Variants in MICB observed in about 807,000 individuals in gnomAD.
The protein encoded by MICB is MHC class I polypeptide-related sequence B, also known as MHC class I antigen-related protein B.
In MICB, 27 loss-of-function variants were observed where a neutral mutation model predicts 34.3. The observed-to-expected ratio is 0.79, with a 90% confidence interval of 0.58 to 1.08. MICB has a LOEUF of 1.08. Among genes scored for constraint, MICB ranks in the 50% least tolerant of loss-of-function variants. The pLI is 0.00. For missense variants in MICB, 426 were observed against 483.1 expected (o/e 0.88, Z 1.11); for synonymous variants, 153 against 187.4 (o/e 0.82, Z 1.50).
At chr6:31,502,327 ACT>A (rs1765060931) in intron 1 of MICB, among the ~76,000 whole-genome samples, 1 of 151,880 alleles carries the variant, frequency 6.6e-6, no homozygotes, top group Admixed American at 6.6e-5. Context: ...CAGGAGCAAA[ACT>A]CCATCTCAGA....
chr6:31,499,398 C>T (rs1249861856), intron 1 of MICB, among the ~76,000 whole-genome samples: 5 of 152,164 alleles, frequency 3.3e-5, no homozygotes, highest in African/African-American at 1.2e-4. Context: ...TCTAGGGTGT[C>T]CTCTGCCTTC....
At chr6:31,501,691 C>T (rs114684640) in intron 1 of MICB, among the ~76,000 whole-genome samples, 4,785 of 152,240 alleles carry the variant, frequency 0.031, 115 homozygotes, top group Non-Finnish European at 0.048. Flanking sequence ...AAGAGACTCT[C>T]CTTTGCCCTG....
chr6:31,501,789 G>A (rs1765031435), intron 1 of MICB, among the ~76,000 whole-genome samples: 1 of 152,020 alleles, frequency 6.6e-6, no homozygotes. Flanking sequence ...TCATTGGTCC[G>A]TGTGTCTGTT....
At chr6:31,497,944 G>T (rs1354350900), upstream of MICB, 2 of 307,264 alleles carry the variant, frequency 6.5e-6, no homozygotes, top group African/African-American at 2.3e-5. Context: ...GCTCGCGCAC[G>T]CTCCCCCTTT....
At chr6:31,506,536 T>C (rs1431564575) in intron 3 of MICB, 106 bp downstream of exon 3, 127 of 1,266,622 alleles carry the variant, frequency 1.0e-4, no homozygotes, top group Non-Finnish European at 1.3e-4. Context: ...GATGCAGGCG[T>C]TTCCTGTTGG....
chr6:31,505,607 T>G lies in MICB; in HGVS notation c.71-10T>G, dbSNP rs1164791452. ...GGAAGAAGTTTCACCTGTGATTTCC[T>G]CTTCCCCAGAGCCCCACAGTCTTCG... On this transcript the variant is annotated splice_polypyrimidine_tract_variant and intron_variant, in intron 1 of 5. Coordinates refer to ENST00000252229, the MANE Select transcript of MICB (RefSeq NM_005931.5). 6.2e-7 allele frequency: 1 copy of G among 1,610,224 alleles called. No homozygotes were observed. Among genetic ancestry groups the G allele is most frequent in the Admixed American group, 1.7e-5 (1 of 59,966 alleles).
rs528785952 is a variant in MICB, at chr6:31,510,011, T to C, written c.*102T>C. ...GAAACAGAGAAAATAACATCACTTA[T>C]TTATTGTTGTTGGATGCTGCAAAGT... On this transcript the variant is annotated 3_prime_UTR_variant, in exon 6 of 6. Coordinates refer to ENST00000252229, the MANE Select transcript of MICB (RefSeq NM_005931.5). 1 of 1,346,770 alleles carries C rather than the reference T, an allele frequency of 7.4e-7. No homozygotes were observed. The highest frequency in any genetic ancestry group is 2.4e-5 in the East Asian group (1 of 41,294). The allele number at this position is 1,346,770 out of a possible 1,614,324, so 83.4% of individuals were successfully genotyped here.
chr6:31,508,092 C>T (rs1765455648), intron 5 of MICB, among the ~76,000 whole-genome samples: 1 of 152,124 alleles, frequency 6.6e-6, no homozygotes, highest in Non-Finnish European at 1.5e-5. Flanking sequence ...AGCAGATGTC[C>T]CTGGGCCATT....
chr6:31,506,370 G>A lies in MICB; in HGVS notation c.553G>A (p.Ala185Thr), dbSNP rs779511383. 6.2e-7 allele frequency: 1 copy of A among 1,614,194 alleles called. No individual in the cohort carries two copies. The change falls in exon 3 of 6, where the codon GCA becomes ACA. Residue 185 changes from alanine to threonine, a missense_variant. Transcript: ENST00000252229. ...CAAGACACACTATCGCGCTATGCAG[G>A]CAGACTGCCTGCAGAAACTACAGCG... is the stretch of plus-strand genomic sequence containing the variant. ...KTKTHYRAMQ[A>T]DCLQKLQRYL...
chr6:31,507,894 G>A lies in MICB; in HGVS notation c.1024+363G>A, dbSNP rs144459229. On this transcript the variant is annotated intron_variant, in intron 5 of 5. Transcript: ENST00000252229. This position sits in a 1 kb window ranked among gnomAD's most constrained non-coding sequence, Gnocchi z 6.0. ...GGGAATCACGTGCTGATTGCTGAGG[G>A]CCTGGATGATCATGGTGTCAGAGGG... Among the ~76,000 whole-genome samples the A allele has an allele frequency of 7.9e-5, 12 of 152,250 alleles. No individual in the cohort carries two copies. The East Asian group carries it at 2.1e-3, about 27-fold the overall frequency.
chr6:31,495,594 G>A (rs72844760), upstream of MICB, among the ~76,000 whole-genome samples: 9,422 of 152,104 alleles, frequency 0.062, 497 homozygotes, highest in South Asian at 0.26. Context: ...TGTAGGCTAG[G>A]GATGATAGGG....
chr6:31,499,777 C>A (rs1461551431), intron 1 of MICB, among the ~76,000 whole-genome samples: 2 of 152,146 alleles, frequency 1.3e-5, no homozygotes, highest in African/African-American at 4.8e-5. Context: ...TGGACCATCC[C>A]TCCCTGGTCC....
chr6:31,500,789 A>T (rs1317769029), intron 1 of MICB, among the ~76,000 whole-genome samples: 1 of 152,206 alleles, frequency 6.6e-6, no homozygotes, highest in Non-Finnish European at 1.5e-5. Flanking sequence ...AGTACTCCAC[A>T]TACACGTGTG....
rs200525738 is a variant in MICB at position 31,506,390 on chromosome 6, A to G, written c.573A>G (p.Leu191=). The change falls in exon 3 of 6, where the codon CTA becomes CTG. Residue 191 remains leucine, a synonymous_variant. Transcript: ENST00000252229. ...RAMQADCLQK[L]QRYLKSGVAI... is the part of the protein sequence containing the mutation. ...TGCAGGCAGACTGCCTGCAGAAACT[A>G]CAGCGATATCTGAAATCCGGGGTGG... 2 of 1,614,100 alleles carry G rather than the reference A, an allele frequency of 1.2e-6. No individual in the cohort carries two copies. Among genetic ancestry groups the G allele is most frequent in the Non-Finnish European group, 1.7e-6 (2 of 1,179,976 alleles).
intron 5 of MICB, 102 bp from the exon 6 acceptor site, chr6:31,509,680 A>C: frequency 7.2e-7 from 1 of 1,398,414 alleles, no homozygotes. Flanking sequence ...TCTCAGAGAA[A>C]GGGCGAATCT....
chr6:31,508,404 C>G (rs1765474136), intron 5 of MICB, among the ~76,000 whole-genome samples: 1 of 152,210 alleles, frequency 6.6e-6, no homozygotes, highest in South Asian at 2.1e-4. Context: ...AAAACAGAGG[C>G]AGTGCAGGGG....
rs1203442337 is a variant in MICB at position 31,507,280 on chromosome 6, GCA to G, written c.874_875del (p.Thr292SerfsTer89). On this transcript the variant is annotated frameshift_variant, in exon 4 of 6. Transcript: ENST00000252229. LOFTEE classifies it high-confidence loss of function. This position sits in a 1 kb window ranked among gnomAD's most constrained non-coding sequence, Gnocchi z 6.0. ...TACATGGAACACAGCGGGAATCACG[GCA>G]CTCACCCTGTGCCCTCTGGTGAGCC... 1.3e-5 allele frequency: 21 copies of G among 1,613,176 alleles called. No homozygotes were observed. The highest frequency in any genetic ancestry group is 1.7e-5 in the Non-Finnish European group (20 of 1,179,620).
intron 1 of MICB, among the ~76,000 whole-genome samples, chr6:31,499,081 C>A (rs1159031784): frequency 6.6e-6 from 1 of 151,218 alleles, no homozygotes; most frequent in African/African-American, 2.5e-5. Context: ...TTCTTGGGAC[C>A]CGGAGGTGGT....
chr6:31,507,544 GAC>G lies in MICB; in HGVS notation c.1024+15_1024+16del. 1 of 1,614,144 alleles carries G rather than the reference GAC, an allele frequency of 6.2e-7. No homozygotes were observed. Among genetic ancestry groups the G allele is most frequent in the South Asian group, 1.1e-5 (1 of 91,084 alleles). On this transcript the variant is annotated intron_variant, in intron 5 of 5. Coordinates refer to ENST00000252229, the MANE Select transcript of MICB (RefSeq NM_005931.5). The surrounding 1 kb of genome is among the most constrained non-coding windows in gnomAD (Gnocchi z 6.0). The stretch of plus-strand genomic sequence containing the variant: ...GCAGAGGGTCCAGGTGAGAAAAGGG[GAC>G]AGTTTCTGGAGATGGGAAAGCTCCT...
Sources: allele counts gnomAD v4.1 joint callset (sites outside exome capture counted in the v4.1 genomes callset), GRCh38; gene constraint gnomAD v4.1.1; non-coding constraint Gnocchi (gnomAD v3.1); transcripts MANE v1.5; gene names NCBI Gene and HGNC (gene_info 2026-07-23, HGNC 2026-07-21).